TMEM108: variants seen among roughly 807,000 people sequenced by gnomAD.
The protein encoded by TMEM108 is cancer/testis antigen 124.
A neutral mutation model predicts 35.1 loss-of-function variants in TMEM108; 12 were observed. The observed-to-expected ratio is 0.34, with a 90% CI of 0.22 to 0.55. The LOEUF is 0.55. TMEM108 is among the 20% of genes least tolerant of loss of function. The pLI is 0.89. For synonymous variants in TMEM108, 287 were observed against 308.6 expected, an observed-to-expected ratio of 0.93 and a Z score of 0.73; for missense variants, 680 against 753.3, an observed-to-expected ratio of 0.90 and a Z score of 1.14.
chr3:133,332,327 G>T (rs1046793235), intron 3 of TMEM108, among the ~76,000 whole-genome samples: 2 of 152,188 alleles, frequency 1.3e-5, no homozygotes, highest in Admixed American at 6.5e-5. Flanking sequence ...TGGCTGAGGT[G>T]TCCAATTTGC....
intron 2 of TMEM108, among the ~76,000 whole-genome samples, chr3:133,089,172 A>G (rs1004250680): frequency 2.0e-5 from 3 of 152,146 alleles, no homozygotes; most frequent in South Asian, 2.1e-4. Flanking sequence ...CTGTAATCCA[A>G]TCACCTCCCA....
At chr3:133,195,997 C>G (rs1015093978) in intron 2 of TMEM108, among the ~76,000 whole-genome samples, 2 of 152,212 alleles carry the variant, frequency 1.3e-5, no homozygotes, top group African/African-American at 4.8e-5. Context: ...CTTTTGCTAT[C>G]TGACAGTTCT....
Position 133,098,848 on chromosome 3 carries a change from T to C in TMEM108, c.-47+52828T>C, listed in dbSNP as rs554471170. 2.0e-4 allele frequency among the ~76,000 whole-genome samples: 30 copies of C among 152,304 alleles called. No individual in the cohort carries two copies. In the South Asian group the frequency reaches 6.2e-3, roughly 32 times the overall value. On this transcript the variant is annotated intron_variant, in intron 2 of 5. Coordinates refer to ENST00000321871, the MANE Select transcript of TMEM108 (RefSeq NM_023943.4). ...GTGGCTTTGCAGGGTACAGCCTGCC[T>C]CCTGGATGCTTTCACGGGCTGGCGT...
At chr3:133,390,463 C>T in intron 5 of TMEM108, 129 bp downstream of exon 5, 3 of 1,064,390 alleles carry the variant, frequency 2.8e-6, no homozygotes, top group Non-Finnish European at 4.1e-6. Flanking sequence ...ATCAATAACA[C>T]CCAAGAGGTT....
At chr3:133,192,939 CAT>C (rs1945522529) in intron 2 of TMEM108, 1 of 151,700 alleles carries the variant, frequency 6.6e-6, no homozygotes, top group Non-Finnish European at 1.5e-5. Flanking sequence ...TGTGTGCGTG[CAT>C]GTGTGTGTAG....
intron 3 of TMEM108, among the ~76,000 whole-genome samples, chr3:133,340,917 A>G (rs1395290386): frequency 6.6e-6 from 1 of 151,898 alleles, no homozygotes; most frequent in African/African-American, 2.4e-5. Flanking sequence ...ATACCTCCAC[A>G]TAATAAAAGC....
At chr3:133,241,906 C>T (rs575180699) in intron 3 of TMEM108, among the ~76,000 whole-genome samples, 1 of 152,162 alleles carries the variant, frequency 6.6e-6, no homozygotes, top group East Asian at 1.9e-4. Flanking sequence ...GAGCCACCAC[C>T]CCCGGCCTCC....
intron 3 of TMEM108, among the ~76,000 whole-genome samples, chr3:133,255,558 A>G (rs983301677): frequency 6.6e-6 from 1 of 152,228 alleles, no homozygotes; most frequent in Non-Finnish European, 1.5e-5. Flanking sequence ...AAGGCCTAAC[A>G]TAAGTACAGG....
At chr3:133,143,443 T>C (rs1184070217) in intron 2 of TMEM108, among the ~76,000 whole-genome samples, 2 of 152,110 alleles carry the variant, frequency 1.3e-5, no homozygotes, top group African/African-American at 4.8e-5. Flanking sequence ...GAGTGCTTTA[T>C]GTTTGTATAG....
rs527679474 is a variant in TMEM108, at chr3:133,174,888, A to C, written c.-46-54378A>C. Among the ~76,000 whole-genome samples, 3 of 152,334 alleles carry C rather than the reference A, an allele frequency of 2.0e-5. No individual in the cohort carries two copies. The East Asian group carries it at 5.8e-4, about 29-fold the overall frequency. On this transcript the variant is annotated intron_variant, in intron 2 of 5. Transcript: ENST00000321871. ...CAATCAAACTACTCCGAGCTAAAGG[A>C]GGAAGTTTGAACCCATGGCAAAGAA...
intron 3 of TMEM108, among the ~76,000 whole-genome samples, chr3:133,301,884 G>A (rs766354570): frequency 6.6e-6 from 1 of 152,056 alleles, no homozygotes; most frequent in Non-Finnish European, 1.5e-5. Flanking sequence ...CATATAGAGT[G>A]GGTGCAACTC....
At chr3:133,266,916 C>CAA (rs11389496) in intron 3 of TMEM108, among the ~76,000 whole-genome samples, 6,173 of 121,182 alleles carry the variant, frequency 0.051, 545 homozygotes, top group African/African-American at 0.17. Flanking sequence ...ACTAAAAATC[C>CAA]AAAAAAAAAA....
Position 133,381,058 on chromosome 3 carries a change from T to C in TMEM108, c.1347T>C (p.His449=), listed in dbSNP as rs2072998201. ...WKPGTAGNIS[H]VAEGDKPQHR... is the part of the protein sequence containing the mutation. The stretch of plus-strand genomic sequence containing the variant: ...CTGGGACAGCAGGGAACATCTCCCA[T>C]GTGGCCGAGGGGGACAAACCGCAGC... The change falls in exon 4 of 6, where the codon CAT becomes CAC. Residue 449 remains histidine (H), a synonymous_variant. Transcript: ENST00000321871. The C allele has an allele frequency of 2.5e-6, 4 of 1,614,194 alleles. No individual in the cohort carries two copies. The highest frequency in any genetic ancestry group is 2.5e-6 in the Non-Finnish European group (3 of 1,180,032).
chr3:133,246,830 GAT>G (rs2107664855), intron 3 of TMEM108: 1 of 152,362 alleles, frequency 6.6e-6, no homozygotes, highest in East Asian at 1.9e-4. Context: ...TCTCATCTTA[GAT>G]ATTATGTTAG....
At chr3:133,364,918 G>A (rs991152332) in intron 3 of TMEM108, among the ~76,000 whole-genome samples, 2 of 143,854 alleles carry the variant, frequency 1.4e-5, no homozygotes, top group Non-Finnish European at 3.0e-5. Context: ...ACACAGTCAC[G>A]CCAAGTCCTT....
intron 2 of TMEM108, among the ~76,000 whole-genome samples, chr3:133,110,754 G>A (rs1194534942): frequency 6.6e-6 from 1 of 152,170 alleles, no homozygotes; most frequent in African/African-American, 2.4e-5. Flanking sequence ...CTAAGGCTGT[G>A]GTTCTCAAAA....
At chr3:133,194,177 C>T (rs553669947) in intron 2 of TMEM108, among the ~76,000 whole-genome samples, 68 of 152,172 alleles carry the variant, frequency 4.5e-4, no homozygotes, top group African/African-American at 1.6e-3. Context: ...CCTCGTGATC[C>T]GCCCGCCTCA....
intron 3 of TMEM108, among the ~76,000 whole-genome samples, chr3:133,242,021 G>A (rs1289424374): frequency 6.6e-6 from 1 of 152,054 alleles, no homozygotes; most frequent in African/African-American, 2.4e-5. Context: ...GTTGAGGGGA[G>A]GCCACACTCT....
intron 3 of TMEM108, among the ~76,000 whole-genome samples, chr3:133,338,651 CAG>C (rs147785823): frequency 0.017 from 2,551 of 152,084 alleles, 72 homozygotes; most frequent in African/African-American, 0.058. Flanking sequence ...CACAGAAAAA[CAG>C]AATACTGTAA....
Sources: gnomAD v4.1 joint callset for allele counts (sites outside exome capture counted in the v4.1 genomes callset) on GRCh38, gnomAD v4.1.1 for gene constraint, MANE v1.5 for transcripts, NCBI Gene and HGNC (gene_info 2026-07-23, HGNC 2026-07-21) for gene names.